ERC1: variants seen among roughly 807,000 people sequenced by gnomAD.
The protein encoded by ERC1 is ELKS/RAB6-interacting/CAST family member 1, also known as RAB6 interacting protein 2.
In ERC1, 56 loss-of-function variants were observed where a neutral mutation model predicts 132.0. That is an observed-to-expected ratio of 0.42 (90% CI 0.34 to 0.53). ERC1 has a LOEUF of 0.53. ERC1 is among the 20% of genes least tolerant of loss of function. The probability of loss-of-function intolerance (pLI) is 0.03; values close to 1 mark genes in which losing one functional copy is unlikely to be tolerated. For synonymous variants in ERC1, 478 were observed against 476.1 expected, an observed-to-expected ratio of 1.00 and a Z score of -0.05; for missense variants, 1,202 against 1,349.9, an observed-to-expected ratio of 0.89 and a Z score of 1.72.
intron 3 of ERC1, among the ~76,000 whole-genome samples, chr12:1,100,751 G>T (rs891777061): frequency 6.6e-6 from 1 of 152,090 alleles, no homozygotes; most frequent in African/African-American, 2.4e-5. Flanking sequence ...TTAACAGTGG[G>T]GCAGATATTT....
intron 1 of ERC1, among the ~76,000 whole-genome samples, chr12:1,009,498 A>G (rs1303241841): frequency 6.6e-6 from 1 of 152,148 alleles, no homozygotes; most frequent in Non-Finnish European, 1.5e-5. Flanking sequence ...AGAGTTTGAT[A>G]GAGCTGTGTG....
intron 17 of ERC1, among the ~76,000 whole-genome samples, chr12:1,434,813 A>G (rs1294457158): frequency 6.6e-6 from 1 of 152,226 alleles, no homozygotes; most frequent in African/African-American, 2.4e-5. Context: ...GGTGTTTACC[A>G]TGCTGAGCCT....
intron 13 of ERC1, among the ~76,000 whole-genome samples, chr12:1,257,853 C>A (rs12426549): frequency 0.18 from 27,647 of 151,790 alleles, 3,207 homozygotes; most frequent in Non-Finnish European, 0.26. Flanking sequence ...ATAATGTTTT[C>A]TTTAATCAAA....
chr12:1,158,437 A>AC (rs1951590220), intron 8 of ERC1, among the ~76,000 whole-genome samples: 2 of 148,186 alleles, frequency 1.3e-5, no homozygotes, highest in South Asian at 4.3e-4. Flanking sequence ...TGTTTTATTT[A>AC]TTTTTTTTTT....
intron 2 of ERC1, among the ~76,000 whole-genome samples, chr12:1,081,271 T>G (rs949334457): frequency 1.3e-5 from 2 of 152,156 alleles, no homozygotes; most frequent in Admixed American, 6.5e-5. Flanking sequence ...TCTTTAGGGA[T>G]AGAAGCTAAA....
chr12:1,258,900 G>A (rs995730112), intron 13 of ERC1, among the ~76,000 whole-genome samples: 2 of 152,088 alleles, frequency 1.3e-5, no homozygotes, highest in Admixed American at 6.5e-5. Flanking sequence ...CTGATCATGA[G>A]CACTGCCTGA....
chr12:1,070,387 G>T (rs1940121289), intron 2 of ERC1, among the ~76,000 whole-genome samples: 1 of 151,598 alleles, frequency 6.6e-6, no homozygotes, highest in African/African-American at 2.4e-5. Context: ...TGCAGCCTCA[G>T]ACTCCTGGGC....
At chr12:1,014,522 A>G (rs1965207065) in intron 1 of ERC1, among the ~76,000 whole-genome samples, 1 of 152,176 alleles carries the variant, frequency 6.6e-6, no homozygotes, top group African/African-American at 2.4e-5. Flanking sequence ...AAAATGGAAC[A>G]GAGAAGAAAA....
chr12:1,049,124 AT>A (rs1382691215), intron 2 of ERC1, among the ~76,000 whole-genome samples: 6 of 152,208 alleles, frequency 3.9e-5, no homozygotes, highest in African/African-American at 1.4e-4. Context: ...GAGTAAGCAA[AT>A]TGTTTTTTTA....
At chr12:1,372,112 A>G in intron 16 of ERC1, 135 bp downstream of exon 16, 1 of 1,104,644 alleles carries the variant, frequency 9.1e-7, no homozygotes, top group Non-Finnish European at 1.2e-6. Flanking sequence ...GTTAGTTTCC[A>G]TCATTAGAGA....
chr12:1,199,667 A>C (rs764093799), intron 12 of ERC1, among the ~76,000 whole-genome samples: 1 of 151,910 alleles, frequency 6.6e-6, no homozygotes, highest in African/African-American at 2.4e-5. Flanking sequence ...AATCCCAGCT[A>C]TTTGGTAGGC....
chr12:1,113,540 ATAAAAAAATACAGCATT>A (rs1946116312), intron 6 of ERC1, among the ~76,000 whole-genome samples: 1 of 152,222 alleles, frequency 6.6e-6, no homozygotes, highest in Admixed American at 6.5e-5. Flanking sequence ...TAAGACTGGA[ATAAAAAAATACAGCATT>A]TAAAAAACCA....
chr12:1,377,409 T>C (rs1342986006), intron 16 of ERC1, among the ~76,000 whole-genome samples: 1 of 152,226 alleles, frequency 6.6e-6, no homozygotes, highest in Non-Finnish European at 1.5e-5. Flanking sequence ...CACTCATCTG[T>C]GAACCTGCAT....
In ERC1 at chr12:1,492,499, C is replaced by T. The variant is rs2094326359; in HGVS notation, c.*2269C>T. Reference sequence around the variant, plus strand: ...CTCCAAGCAGGTGGCCCAGATCCCACCCACGTGGACTTTCTCATCAGGTGC... The same window carrying T: ...CTCCAAGCAGGTGGCCCAGATCCCATCCACGTGGACTTTCTCATCAGGTGC... On this transcript the variant is annotated 3_prime_UTR_variant, in exon 19 of 19. Coordinates refer to ENST00000360905, the MANE Select transcript of ERC1 (RefSeq NM_178040.4). 4.3e-6 allele frequency: 1 copy of T among 233,188 alleles called. No individual in the cohort carries two copies. Among genetic ancestry groups the T allele is most frequent in the Non-Finnish European group, 8.5e-6 (1 of 118,074 alleles). The allele number at this position is 233,188 out of a possible 1,614,324, so 14.4% of individuals were successfully genotyped here.
chr12:1,115,064 G>T (rs1946304149), intron 6 of ERC1, among the ~76,000 whole-genome samples: 1 of 152,138 alleles, frequency 6.6e-6, no homozygotes, highest in African/African-American at 2.4e-5. Context: ...TTACTGACTT[G>T]TCAAATGTAT....
intron 1 of ERC1, among the ~76,000 whole-genome samples, chr12:1,020,450 CCTT>C (rs1273186929): frequency 2.0e-5 from 3 of 152,182 alleles, no homozygotes; most frequent in South Asian, 2.1e-4. Context: ...GAGTGAGACT[CCTT>C]CTCAACAAAA....
chr12:1,431,645 A>G (rs964830004), intron 17 of ERC1, among the ~76,000 whole-genome samples: 3 of 152,098 alleles, frequency 2.0e-5, no homozygotes, highest in African/African-American at 7.2e-5. Flanking sequence ...TTTTATGCCT[A>G]TTGCCAAATC....
intron 12 of ERC1, among the ~76,000 whole-genome samples, chr12:1,193,431 TAC>T (rs57726333): frequency 0.069 from 10,191 of 148,692 alleles, 629 homozygotes; most frequent in African/African-American, 0.17. Flanking sequence ...ATTAGTAGGA[TAC>T]ACACACACAC....
At chr12:1,346,142 C>A (rs1302811535) in intron 15 of ERC1, among the ~76,000 whole-genome samples, 2 of 150,314 alleles carry the variant, frequency 1.3e-5, no homozygotes, top group East Asian at 1.9e-4. Context: ...TTGTGGAAGG[C>A]CTGGACTCAA....
Sources: gnomAD v4.1 joint callset for allele counts (sites outside exome capture counted in the v4.1 genomes callset) on GRCh38, gnomAD v4.1.1 for gene constraint, MANE v1.5 for transcripts, NCBI Gene and HGNC (gene_info 2026-07-23, HGNC 2026-07-21) for gene names.